STK3: variants seen among roughly 807,000 people sequenced by gnomAD.
The protein encoded by STK3 is serine/threonine-protein kinase 3.
STK3 carries 41 observed loss-of-function variants against 58.0 expected under a neutral mutation model. That is an observed-to-expected ratio of 0.71 (90% CI 0.55 to 0.92). STK3 has a LOEUF of 0.92. STK3 is among the 40% of genes least tolerant of loss of function. The pLI, the probability that STK3 is intolerant of heterozygous loss-of-function variation, is 0.00. For missense variants in STK3, 479 were observed against 602.7 expected (o/e 0.79, Z 2.15); for synonymous variants, 170 against 191.0 (o/e 0.89, Z 0.91).
chr8:98,792,242 C>T (rs908894274), intron 1 of STK3, among the ~76,000 whole-genome samples: 3 of 152,174 alleles, frequency 2.0e-5, no homozygotes, highest in African/African-American at 7.2e-5. Context: ...AAATGCAAAT[C>T]AAAACCAAAA....
At chr8:98,878,668 C>G (rs897414840) in intron 3 of STK3, among the ~76,000 whole-genome samples, 1 of 152,142 alleles carries the variant, frequency 6.6e-6, no homozygotes, top group South Asian at 2.1e-4. Flanking sequence ...AACACCTTCC[C>G]CTTTCTTGTC....
chr8:98,571,847 T>A (rs1189619442), intron 8 of STK3, among the ~76,000 whole-genome samples: 1 of 152,212 alleles, frequency 6.6e-6, no homozygotes, highest in Non-Finnish European at 1.5e-5. Flanking sequence ...TCCATTTAAC[T>A]CCTTGTATTT....
chr8:98,532,286 G>A (rs749796592), intron 9 of STK3, among the ~76,000 whole-genome samples: 40 of 152,108 alleles, frequency 2.6e-4, no homozygotes, highest in Non-Finnish European at 4.0e-4. Context: ...TTTCAATATT[G>A]TGATGTCTCA....
the STK3 span, among the ~76,000 whole-genome samples, chr8:98,359,943 C>T: frequency 6.6e-6 from 1 of 152,134 alleles, no homozygotes; most frequent in African/African-American, 2.4e-5. Flanking sequence ...CCTGAATGTG[C>T]CATGTTTTCA....
chr8:98,551,746 C>T (rs926824377), intron 8 of STK3, among the ~76,000 whole-genome samples: 2 of 152,110 alleles, frequency 1.3e-5, no homozygotes, highest in Non-Finnish European at 1.5e-5. Context: ...CTTTACCCCC[C>T]GAATATGCAC....
intron 6 of STK3, among the ~76,000 whole-genome samples, chr8:98,647,479 C>T (rs996469907): frequency 2.6e-5 from 4 of 151,962 alleles, no homozygotes; most frequent in African/African-American, 7.3e-5. Context: ...GAGTAGACAC[C>T]GAATAAAAAT....
At chr8:98,760,646 T>C (rs1359485346) in intron 3 of STK3, among the ~76,000 whole-genome samples, 1 of 152,168 alleles carries the variant, frequency 6.6e-6, no homozygotes, top group Non-Finnish European at 1.5e-5. Flanking sequence ...TCCTGTCTCA[T>C]TAATTTTTTC....
At chr8:98,768,241 A>C (rs1317897667) in intron 2 of STK3, among the ~76,000 whole-genome samples, 4 of 152,196 alleles carry the variant, frequency 2.6e-5, no homozygotes, top group Non-Finnish European at 5.9e-5. Context: ...AAAAGATGAG[A>C]AACAGACCAG....
At chr8:98,668,353 T>C (rs980323812) in intron 6 of STK3, among the ~76,000 whole-genome samples, 3 of 152,200 alleles carry the variant, frequency 2.0e-5, no homozygotes, top group African/African-American at 7.2e-5. Flanking sequence ...TCAAATTCCA[T>C]TGTCATTTCA....
At chr8:98,713,735 C>A (rs1360037728) in intron 4 of STK3, among the ~76,000 whole-genome samples, 2 of 152,084 alleles carry the variant, frequency 1.3e-5, no homozygotes, top group Admixed American at 1.3e-4. Flanking sequence ...TGAAACTATT[C>A]CAATCAATAG....
intron 1 of STK3, among the ~76,000 whole-genome samples, chr8:98,911,912 A>C (rs1839152339): frequency 6.6e-6 from 1 of 152,222 alleles, no homozygotes; most frequent in Non-Finnish European, 1.5e-5. Flanking sequence ...CCCTTGAAAT[A>C]TTGACCAAAA....
Position 98,570,869 on chromosome 8 carries a change from C to T in STK3, c.948+8795G>A, listed in dbSNP as rs372653255. ...AGAGGTTAAGTAACCTGCCCAAAGA[C>T]ATAAAGTTATTTGGGAACAGAACTA... On this transcript the variant is annotated intron_variant, in intron 8 of 10. Coordinates refer to ENST00000419617, the MANE Select transcript of STK3 (RefSeq NM_006281.4). Among the ~76,000 whole-genome samples the T allele has an allele frequency of 1.2e-4, 18 of 152,298 alleles. No homozygotes were observed. The East Asian group carries it at 1.5e-3, about 13-fold the overall frequency.
At chr8:98,707,922 T>C (rs745322718) in intron 4 of STK3, among the ~76,000 whole-genome samples, 2 of 151,988 alleles carry the variant, frequency 1.3e-5, no homozygotes, top group Non-Finnish European at 2.9e-5. Flanking sequence ...GCAGATCACT[T>C]GAGGTCAGGA....
At chr8:98,543,839 A>C (rs897825912) in intron 9 of STK3, among the ~76,000 whole-genome samples, 3 of 152,186 alleles carry the variant, frequency 2.0e-5, no homozygotes, top group African/African-American at 7.2e-5. Flanking sequence ...TCATCTGTGC[A>C]GATGGAAGAT....
chr8:98,869,374 T>C (rs535074293), intron 3 of STK3, among the ~76,000 whole-genome samples: 2 of 152,256 alleles, frequency 1.3e-5, no homozygotes, highest in African/African-American at 4.8e-5. Flanking sequence ...TGAGCCGAAA[T>C]TGTGCCACTG....
chr8:98,643,214 G>C (rs1044446087), intron 6 of STK3, among the ~76,000 whole-genome samples: 1 of 152,112 alleles, frequency 6.6e-6, no homozygotes, highest in Non-Finnish European at 1.5e-5. Flanking sequence ...GGGCGACAGA[G>C]AGCTCAAAAA....
chr8:98,778,245 A>G (rs1280523313), intron 1 of STK3, among the ~76,000 whole-genome samples: 1 of 152,248 alleles, frequency 6.6e-6, no homozygotes, highest in Non-Finnish European at 1.5e-5. Flanking sequence ...TTCTCAAAAG[A>G]AGACATTTAT....
intron 10 of STK3, among the ~76,000 whole-genome samples, chr8:98,465,438 A>C (rs4995528): frequency 0.46 from 70,641 of 151,930 alleles, 16,598 homozygotes; most frequent in Admixed American, 0.56. Context: ...AAAAATCCCA[A>C]CTTTCCTGTC....
At chr8:98,903,256 C>T (rs1273917712) in intron 1 of STK3, among the ~76,000 whole-genome samples, 3 of 152,164 alleles carry the variant, frequency 2.0e-5, no homozygotes, top group Admixed American at 2.0e-4. Context: ...TGAATATGAG[C>T]AACTTTGACT....
Sources: gnomAD v4.1 joint callset for allele counts (sites outside exome capture counted in the v4.1 genomes callset) on GRCh38, gnomAD v4.1.1 for gene constraint, MANE v1.5 for transcripts, NCBI Gene and HGNC (gene_info 2026-07-23, HGNC 2026-07-21) for gene names.